Variants in GRIK1 observed in about 807,000 individuals in gnomAD.
The protein encoded by GRIK1 is glutamate receptor ionotropic, kainate 1.
A neutral mutation model predicts 105.7 loss-of-function variants in GRIK1; 69 were observed. The observed-to-expected ratio is 0.65, with a 90% CI of 0.54 to 0.80. The LOEUF is 0.80. Among genes scored for constraint, GRIK1 ranks in the 30% least tolerant of loss-of-function variants. The probability of loss-of-function intolerance (pLI) is 0.00; values close to 1 mark genes in which losing one functional copy is unlikely to be tolerated. For synonymous variants in GRIK1, 438 were observed against 431.3 expected (o/e 1.02, Z -0.19); for missense variants, 1,109 against 1,167.3 (o/e 0.95, Z 0.73).
At chr21:29,909,376 C>T (rs1387460328) in intron 1 of GRIK1, among the ~76,000 whole-genome samples, 12 of 151,728 alleles carry the variant, frequency 7.9e-5, no homozygotes, top group Non-Finnish European at 8.8e-5. Context: ...GCAAGCAAAA[C>T]ATAAGTAAAA....
intron 1 of GRIK1, among the ~76,000 whole-genome samples, chr21:29,911,414 G>T (rs2070811451): frequency 2.0e-5 from 3 of 152,086 alleles, no homozygotes; most frequent in African/African-American, 7.2e-5. Context: ...AGATTCAGAG[G>T]CATGGTGACA....
At chr21:29,804,659 T>G (rs1226128684) in intron 1 of GRIK1, among the ~76,000 whole-genome samples, 1 of 152,176 alleles carries the variant, frequency 6.6e-6, no homozygotes, top group Non-Finnish European at 1.5e-5. Context: ...AAATGACACA[T>G]TCTATGTTAT....
intron 7 of GRIK1, 75 bp downstream of exon 7, chr21:29,642,750 TG>T: frequency 7.7e-7 from 1 of 1,294,254 alleles, no homozygotes; most frequent in Non-Finnish European, 1.1e-6. Flanking sequence ...CAGAACCCTG[TG>T]GGGAGGACCA....
intron 3 of GRIK1, among the ~76,000 whole-genome samples, chr21:29,683,848 G>T (rs1446035695): frequency 4.6e-5 from 7 of 152,184 alleles, no homozygotes; most frequent in Non-Finnish European, 1.0e-4. Flanking sequence ...TAATGATGGG[G>T]TTCAGCACAG....
Position 29,619,496 on chromosome 21 carries a change from G to A in GRIK1, c.1099-20559C>T, listed in dbSNP as rs189022426. Among the ~76,000 whole-genome samples, 351 of 152,090 alleles carry A rather than the reference G, an allele frequency of 2.3e-3. 3 individuals carry two copies. The highest frequency in any genetic ancestry group is 8.1e-3 in the African/African-American group (337 of 41,496). ...GACTCAGGGGGAAAAGAGTGGGAAG[G>A]GGGTGAGCGGTAAAATACTACAAAT... On this transcript the variant is annotated intron_variant, in intron 7 of 17. Coordinates refer to ENST00000327783, the MANE Select transcript of GRIK1 (RefSeq NM_001330994.2).
At chr21:29,840,378 T>C (rs1281265235) in intron 1 of GRIK1, among the ~76,000 whole-genome samples, 1 of 152,176 alleles carries the variant, frequency 6.6e-6, no homozygotes, top group East Asian at 1.9e-4. Context: ...TTTCTAGCAA[T>C]GCATCAGAAG....
intron 1 of GRIK1, among the ~76,000 whole-genome samples, chr21:29,700,270 G>T (rs1024448111): frequency 6.6e-6 from 1 of 152,168 alleles, no homozygotes; most frequent in African/African-American, 2.4e-5. Flanking sequence ...TGGCCTTTAA[G>T]GGGGGATGAT....
At chr21:29,848,779 A>ATATATATATATATATATATTTT in intron 1 of GRIK1, among the ~76,000 whole-genome samples, 32 of 77,838 alleles carry the variant, frequency 4.1e-4, no homozygotes, top group African/African-American at 1.9e-3. Context: ...ATATATATAT[A>ATATATATATATATATATATTTT]TTTTTTTTTT....
At chr21:29,804,275 T>A (rs1488269268) in intron 1 of GRIK1, among the ~76,000 whole-genome samples, 1 of 152,130 alleles carries the variant, frequency 6.6e-6, no homozygotes, top group Non-Finnish European at 1.5e-5. Flanking sequence ...CAAATTTTCA[T>A]CAGAGAAAAA....
chr21:29,667,217 G>T (rs1337119018), intron 4 of GRIK1, among the ~76,000 whole-genome samples: 3 of 152,140 alleles, frequency 2.0e-5, no homozygotes, highest in Non-Finnish European at 4.4e-5. Context: ...CACAGCTGAT[G>T]GTTGCTTCTG....
At chr21:29,936,736 C>G (rs192094976) in intron 1 of GRIK1, among the ~76,000 whole-genome samples, 28 of 152,344 alleles carry the variant, frequency 1.8e-4, no homozygotes, top group Non-Finnish European at 3.5e-4. Flanking sequence ...TCAATACCCT[C>G]TCAAATATTC....
chr21:29,601,121 C>A, intron 7 of GRIK1: 3 of 394,882 alleles, frequency 7.6e-6, no homozygotes, highest in South Asian at 1.9e-5. Flanking sequence ...GTGGACTGAG[C>A]AAGGCAGACA....
chr21:29,615,305 T>TC lies in GRIK1; in HGVS notation c.1099-16369_1099-16368insG, dbSNP rs1330270934. On this transcript the variant is annotated intron_variant, in intron 7 of 17. Coordinates refer to ENST00000327783, the MANE Select transcript of GRIK1 (RefSeq NM_001330994.2). The stretch of plus-strand genomic sequence containing the variant: ...TTGCCTTCATGGCCCACTATTCCTT[T>TC]TTTTCTTTCTTTCTTTCTTTTTTTG... 5.9e-3 allele frequency among the ~76,000 whole-genome samples: 887 copies of TC among 150,484 alleles called. 38 individuals are homozygous for TC. The highest frequency in any genetic ancestry group is 0.021 in the African/African-American group (853 of 39,874).
At chr21:29,549,159 C>G (rs1317047431) in intron 16 of GRIK1, among the ~76,000 whole-genome samples, 1 of 152,178 alleles carries the variant, frequency 6.6e-6, no homozygotes, top group African/African-American at 2.4e-5. Flanking sequence ...TCCCTGCTCT[C>G]TGCTAAGCTT....
chr21:29,815,132 T>A (rs1407447150), intron 1 of GRIK1, among the ~76,000 whole-genome samples: 1 of 150,414 alleles, frequency 6.6e-6, no homozygotes, highest in South Asian at 2.1e-4. Context: ...AATAATAAAG[T>A]CAATGCACTT....
chr21:29,606,657 C>CT (rs1002131099), intron 7 of GRIK1, among the ~76,000 whole-genome samples: 3 of 146,144 alleles, frequency 2.1e-5, no homozygotes, highest in Non-Finnish European at 4.4e-5. Context: ...TCAGAAACAT[C>CT]TTTTTTTAAA....
At chr21:29,914,812 G>T (rs1428772699) in intron 1 of GRIK1, among the ~76,000 whole-genome samples, 1 of 151,944 alleles carries the variant, frequency 6.6e-6, no homozygotes, top group African/African-American at 2.4e-5. Flanking sequence ...TGAGTGTTTT[G>T]TGGGTGCAAA....
intron 6 of GRIK1, among the ~76,000 whole-genome samples, chr21:29,647,686 C>T (rs990906181): frequency 2.0e-5 from 3 of 152,130 alleles, no homozygotes; most frequent in African/African-American, 7.2e-5. Context: ...TCTGTATTAT[C>T]CCAGTCTATC....
chr21:29,735,230 A>T (rs1347012344), intron 1 of GRIK1, among the ~76,000 whole-genome samples: 1 of 152,222 alleles, frequency 6.6e-6, no homozygotes, highest in Non-Finnish European at 1.5e-5. Flanking sequence ...CATTAAATTC[A>T]TGCATGGATC....
Sources: gnomAD v4.1 joint callset for allele counts (sites outside exome capture counted in the v4.1 genomes callset) on GRCh38, gnomAD v4.1.1 for gene constraint, MANE v1.5 for transcripts, NCBI Gene and HGNC (gene_info 2026-07-23, HGNC 2026-07-21) for gene names.